Variants in AQP3 observed in about 807,000 individuals in gnomAD.
AQP3 encodes aquaporin-3.
Under a neutral mutation model 30.3 loss-of-function variants are expected in AQP3, and 15 were observed. The ratio of observed to expected loss-of-function variants is 0.49; its 90% CI spans 0.33 to 0.76. AQP3 has a LOEUF of 0.76. AQP3 is among the 30% of genes least tolerant of loss of function. The pLI, the probability that AQP3 is intolerant of heterozygous loss-of-function variation, is 0.02. For synonymous variants in AQP3, 153 were observed against 163.2 expected, an observed-to-expected ratio of 0.94 and a Z score of 0.47; for missense variants, 272 against 384.8, an observed-to-expected ratio of 0.71 and a Z score of 2.45.
At chr9:33,442,274 G>T (rs2231235) in intron 5 of AQP3, 27 bp downstream of exon 5, 1 of 1,610,926 alleles carries the variant, frequency 6.2e-7, no homozygotes, top group South Asian at 1.1e-5. Flanking sequence ...GGCAGGCTGG[G>T]GTGAGCTGGG....
chr9:33,447,327 A>T, intron 1 of AQP3, 96 bp downstream of exon 1: 1 of 1,151,740 alleles, frequency 8.7e-7, no homozygotes, highest in East Asian at 2.6e-5. Context: ...AGGTGGGTCC[A>T]GGCTACCTTG....
rs930133926 is a variant in AQP3 at position 33,441,709 on chromosome 9, C to CA, written c.*333_*334insT. ...CTTGCCCTGAATATCTGGGAACCCCCCCCACACACACACACCCCTGCACAC... is the reference window on the plus strand; with the variant it reads ...CTTGCCCTGAATATCTGGGAACCCCCACCCACACACACACACCCCTGCACAC... On this transcript the variant is annotated 3_prime_UTR_variant, in exon 6 of 6. Transcript: ENST00000297991. 57 of 418,744 alleles carry CA rather than the reference C, an allele frequency of 1.4e-4. No individual in the cohort carries two copies. Among genetic ancestry groups the CA allele is most frequent in the African/African-American group, 1.2e-3 (46 of 37,860 alleles). The allele number at this position is 418,744 out of a possible 1,614,324, so 25.9% of individuals were successfully genotyped here.
chr9:33,442,496 A>T lies in AQP3; in HGVS notation c.515T>A (p.Ile172Asn), dbSNP rs764503960. 2 of 1,609,268 alleles carry T rather than the reference A, an allele frequency of 1.2e-6. No individual in the cohort carries two copies. Among genetic ancestry groups the T allele is most frequent in the African/African-American group, 2.7e-5 (2 of 74,894 alleles). Reference protein sequence around the residue: ...FDQFIGTASLIVCVLAIVDPY... With the variant: ...FDQFIGTASLNVCVLAIVDPY... ...GTCAACAATGGCCAGCACACACACG[A>T]TAAGGGAGGCTGTGCCTATGAACTG... Residue 172 changes from isoleucine to asparagine, a missense_variant, in exon 5 of 6, where the codon ATC (isoleucine) becomes AAC (asparagine). Physicochemically the swap from Ile to Asn is moderately radical, Grantham distance 149. Coordinates refer to ENST00000297991, the MANE Select transcript of AQP3 (RefSeq NM_004925.5).
rs1485059923 is a variant in AQP3, at chr9:33,443,929, C to T, written c.109-37G>A. On this transcript the variant is annotated intron_variant, in intron 1 of 5. Coordinates refer to ENST00000297991, the MANE Select transcript of AQP3 (RefSeq NM_004925.5). The surrounding 1 kb of genome is among the most constrained non-coding windows in gnomAD (Gnocchi z 5.0). ...AAGAACAGGCAGGGAGGGTGAGGAC[C>T]AGCAACTCTCACTCCAGAAGGAAGG... 1 of 1,605,490 alleles carries T rather than the reference C, an allele frequency of 6.2e-7. No individual in the cohort carries two copies. Among genetic ancestry groups the T allele is most frequent in the African/African-American group, 1.3e-5 (1 of 74,784 alleles).
At position 33,441,692 on chromosome 9, in the gene AQP3, G is replaced by A; in HGVS notation, c.*351C>T. On this transcript the variant is annotated 3_prime_UTR_variant, in exon 6 of 6. Transcript: ENST00000297991. ...TCCCTTCCGACTGGTCCCTTGCCCT[G>A]AATATCTGGGAACCCCCCCCACACA... is the stretch of plus-strand genomic sequence containing the variant. The A allele has an allele frequency of 2.5e-6, 1 of 405,108 alleles. No homozygotes were observed. 25.1% of individuals were successfully genotyped at this position (405,108 alleles called of 1,614,324 possible). A position where few individuals can be genotyped will look rare whatever the true frequency, so the allele number is the denominator to read the frequency against.
intron 4 of AQP3, 165 bp downstream of exon 4, chr9:33,442,687 G>T (rs982508537): frequency 9.4e-7 from 1 of 1,059,618 alleles, no homozygotes; most frequent in Non-Finnish European, 1.4e-6. Flanking sequence ...CCGCTGGAGA[G>T]CCGCATGTTT....
chr9:33,446,496 G>A (rs1053134566), intron 1 of AQP3, among the ~76,000 whole-genome samples: 5 of 152,194 alleles, frequency 3.3e-5, no homozygotes, highest in African/African-American at 1.2e-4. Flanking sequence ...GAAAACAGGT[G>A]TAACCACATG....
At position 33,441,911 on chromosome 9, in the gene AQP3, G is replaced by A. The variant is rs1826839138; in HGVS notation, c.*132C>T. ...GAAATCCTGAAGGGGCTGTCTCGTG[G>A]GGTGAGGGTAGATAGGGAGCTCCTT... On this transcript the variant is annotated 3_prime_UTR_variant, in exon 6 of 6. Coordinates refer to ENST00000297991, the MANE Select transcript of AQP3 (RefSeq NM_004925.5). 7.3e-7 allele frequency: 1 copy of A among 1,378,218 alleles called. No homozygotes were observed. Among genetic ancestry groups the A allele is most frequent in the Non-Finnish European group, 9.9e-7 (1 of 1,010,628 alleles). The allele number at this position is 1,378,218 out of a possible 1,614,324, so 85.4% of individuals were successfully genotyped here.
intron 1 of AQP3, 36 bp downstream of exon 1, chr9:33,447,387 G>C: frequency 6.6e-7 from 1 of 1,523,618 alleles, no homozygotes; most frequent in African/African-American, 1.4e-5. Flanking sequence ...TGCAAGGGCT[G>C]GAGAGAGAAG....
Position 33,441,657 on chromosome 9 carries a change from A to G in AQP3, c.*386T>C, listed in dbSNP as rs149056033. The stretch of plus-strand genomic sequence containing the variant: ...CTTCCCCTGTCTCTGGGCTCCCCCA[A>G]TAGCCAGAATCCCTTCCGACTGGTC... On this transcript the variant is annotated 3_prime_UTR_variant, in exon 6 of 6. Transcript: ENST00000297991. The G allele has an allele frequency of 1.3e-3, 531 of 394,164 alleles. 8 individuals are homozygous for G. The East Asian group carries it at 0.018, about 13-fold the overall frequency. 24.4% of individuals were successfully genotyped at this position (394,164 alleles called of 1,614,324 possible).
chr9:33,445,816 C>T (rs1826905871), intron 1 of AQP3, among the ~76,000 whole-genome samples: 1 of 152,190 alleles, frequency 6.6e-6, no homozygotes, highest in Non-Finnish European at 1.5e-5. Context: ...TCCCAACACG[C>T]AGGTAGGCAG....
Position 33,447,438 on chromosome 9 carries a change from C to T in AQP3, c.93G>A (p.Gly31=), listed in dbSNP as rs1826931098. The change falls in exon 1 of 6, where the codon GGG becomes GGA. Residue 31 remains glycine (G), a synonymous_variant. Transcript: ENST00000297991. Reference sequence around the variant, plus strand: ...CTCCACTCACCACCAGGATGAGGGTCCCCAGGCACTCGGCCAGCGCCTGTC... The same window carrying T: ...CTCCACTCACCACCAGGATGAGGGTTCCCAGGCACTCGGCCAGCGCCTGTC... ...LLRQALAECL[G]TLILVMFGCG... is the part of the protein sequence containing the mutation. 6.2e-7 allele frequency: 1 copy of T among 1,605,100 alleles called. No individual in the cohort carries two copies. The highest frequency in any genetic ancestry group is 1.1e-5 in the South Asian group (1 of 89,256).
At position 33,442,195 on chromosome 9, in the gene AQP3, A is replaced by C. The variant is rs1282788039; in HGVS notation, c.727T>G (p.Trp243Gly). 6.2e-7 allele frequency: 1 copy of C among 1,612,386 alleles called. No homozygotes were observed. Among genetic ancestry groups the C allele is most frequent in the Admixed American group, 1.7e-5 (1 of 59,972 alleles). The change falls in exon 6 of 6, where the codon TGG (tryptophan) becomes GGG (glycine). Residue 243 changes from tryptophan (W) to glycine (G), a missense_variant. Trp to Gly is a radical substitution (Grantham distance 184). This residue lies in a region of AQP3 where 170 missense variants were observed against 286.4 expected (regional missense o/e 0.59). Transcript: ENST00000297991. The part of the protein sequence containing the change: ...SAVFTTGQHW[W>G]WVPIVSPLLG... ...AGTGGGGACACGATGGGCACCCACC[A>C]CCAATGCTGGCCGGTCCTGGGGGGA...
chr9:33,444,029 C>T (rs2118972218), intron 1 of AQP3, 137 bp from the exon 2 acceptor site: 1 of 1,141,974 alleles, frequency 8.8e-7, no homozygotes, highest in South Asian at 1.6e-5. Context: ...GCCCAAACCC[C>T]TTCTGCTGTA....
Position 33,442,520 on chromosome 9 carries a change from T to C in AQP3, c.493-2A>G, listed in dbSNP as rs1301872620. 2 of 1,600,302 alleles carry C rather than the reference T, an allele frequency of 1.2e-6. No individual in the cohort carries two copies. The highest frequency in any genetic ancestry group is 2.3e-5 in the East Asian group (1 of 44,380). On this transcript the variant is annotated splice_acceptor_variant, in intron 4 of 5. Transcript: ENST00000297991. LOFTEE classifies it high-confidence loss of function. ...GATAAGGGAGGCTGTGCCTATGAAC[T>C]GGGGAGTGGGGAGAACAGGGTGAGC...
intron 1 of AQP3, among the ~76,000 whole-genome samples, chr9:33,446,145 G>A (rs766529241): frequency 2.5e-4 from 38 of 152,290 alleles, no homozygotes; most frequent in African/African-American, 6.3e-4. Context: ...TCAGGACTCC[G>A]ATAGGAGTGA....
At chr9:33,444,411 C>T (rs1221287768) in intron 1 of AQP3, among the ~76,000 whole-genome samples, 1 of 151,952 alleles carries the variant, frequency 6.6e-6, no homozygotes, top group Non-Finnish European at 1.5e-5. Context: ...ACCAGCCTGG[C>T]CAACATAGTG....
Position 33,443,204 on chromosome 9 carries a change from G to A in AQP3, c.373+117C>T. ...CTTGACCCTGTGCGTGAATGAGTGA[G>A]TCATGAGCCCGGGGCCTGGGCAGGT... On this transcript the variant is annotated intron_variant, in intron 3 of 5. Transcript: ENST00000297991. This position sits in a 1 kb window ranked among gnomAD's most constrained non-coding sequence, Gnocchi z 5.0. The A allele has an allele frequency of 1.4e-6, 2 of 1,435,338 alleles. No individual in the cohort carries two copies. The highest frequency in any genetic ancestry group is 1.9e-6 in the Non-Finnish European group (2 of 1,044,102). 88.9% of individuals were successfully genotyped at this position (1,435,338 alleles called of 1,614,324 possible).
chr9:33,445,915 T>C (rs1289427542), intron 1 of AQP3, among the ~76,000 whole-genome samples: 1 of 152,188 alleles, frequency 6.6e-6, no homozygotes, highest in African/African-American at 2.4e-5. Flanking sequence ...TGATATCCAA[T>C]ACCTCACATC....
Sources: gnomAD v4.1 joint callset for allele counts (sites outside exome capture counted in the v4.1 genomes callset) on GRCh38, gnomAD v4.1.1 for gene constraint, gnomAD v4.1.1 regional missense constraint, Gnocchi (gnomAD v3.1) non-coding constraint, MANE v1.5 for transcripts, NCBI Gene and HGNC (gene_info 2026-07-23, HGNC 2026-07-21) for gene names.